The following SEMA5A variants were observed in gnomAD, a reference collection of about 807,000 sequenced individuals.
SEMA5A encodes semaphorin-5A.
A neutral mutation model predicts 135.5 loss-of-function variants in SEMA5A; 55 were observed. That is an observed-to-expected ratio of 0.41 (90% CI 0.33 to 0.51). The LOEUF (loss-of-function observed/expected upper bound fraction) is 0.51, where lower values mean the gene tolerates loss of function less well. Among genes scored for constraint, SEMA5A ranks in the 20% least tolerant of loss-of-function variants. The pLI is 0.37. For synonymous variants in SEMA5A, 580 were observed against 546.5 expected, an observed-to-expected ratio of 1.06 and a Z score of -0.85; for missense variants, 1,290 against 1,419.9, an observed-to-expected ratio of 0.91 and a Z score of 1.47.
intron 1 of SEMA5A, among the ~76,000 whole-genome samples, chr5:9,466,850 C>T (rs1235291791): frequency 6.6e-6 from 1 of 152,196 alleles, no homozygotes; most frequent in Non-Finnish European, 1.5e-5. Context: ...AAAGTCATTG[C>T]CAAGGGAGAG....
chr5:9,467,322 C>T (rs1164968894), intron 1 of SEMA5A, among the ~76,000 whole-genome samples: 2 of 152,036 alleles, frequency 1.3e-5, no homozygotes, highest in African/African-American at 4.8e-5. Flanking sequence ...CCATCTTGGC[C>T]AGGCTTGTCT....
intron 11 of SEMA5A, among the ~76,000 whole-genome samples, chr5:9,168,502 T>C (rs1371038089): frequency 6.6e-6 from 1 of 152,168 alleles, no homozygotes; most frequent in Non-Finnish European, 1.5e-5. Context: ...GCACTTTATG[T>C]GTCTTCATCA....
At chr5:9,111,879 C>G (rs1027928757) in intron 15 of SEMA5A, among the ~76,000 whole-genome samples, 2 of 152,174 alleles carry the variant, frequency 1.3e-5, no homozygotes, top group African/African-American at 4.8e-5. Context: ...CTGAGAGAAG[C>G]CCCTCTTATG....
rs554506809 is a variant in SEMA5A, at chr5:9,437,778, C to T, written c.-100G>A. ...TACCAAGGAGAGAGAGGATGGAGGA[C>T]GCGTTTCCTCAATCATGAATCACAC... On this transcript the variant is annotated 5_prime_UTR_variant, in exon 2 of 23. Transcript: ENST00000382496. The T allele has an allele frequency of 2.6e-5, 4 of 152,578 alleles. No individual in the cohort carries two copies. Among genetic ancestry groups the T allele is most frequent in the Non-Finnish European group, 4.4e-5 (3 of 68,042 alleles). 9.5% of individuals were successfully genotyped at this position (152,578 alleles called of 1,614,324 possible).
chr5:9,403,724 G>T (rs1413807991), intron 2 of SEMA5A, among the ~76,000 whole-genome samples: 1 of 152,132 alleles, frequency 6.6e-6, no homozygotes, highest in Non-Finnish European at 1.5e-5. Context: ...CTCCTTGACA[G>T]TCCACAGAGG....
At chr5:9,519,491 A>G (rs760163580) in intron 1 of SEMA5A, among the ~76,000 whole-genome samples, 12 of 152,208 alleles carry the variant, frequency 7.9e-5, no homozygotes, top group Non-Finnish European at 1.8e-4. Context: ...GCTGTGTCCA[A>G]TCCAGCTTCG....
At chr5:9,081,369 CTAATT>C (rs1286618891) in intron 16 of SEMA5A, among the ~76,000 whole-genome samples, 2 of 152,002 alleles carry the variant, frequency 1.3e-5, no homozygotes, top group African/African-American at 2.4e-5. Context: ...TGAATTTGTG[CTAATT>C]TATTACCTAG....
intron 11 of SEMA5A, among the ~76,000 whole-genome samples, chr5:9,175,472 A>T (rs116249617): frequency 6.6e-6 from 1 of 152,142 alleles, no homozygotes; most frequent in Non-Finnish European, 1.5e-5. Context: ...GGTGGCCCTT[A>T]CACGTTTAAC....
chr5:9,494,762 GAAT>G (rs1735216873), intron 1 of SEMA5A, among the ~76,000 whole-genome samples: 1 of 152,134 alleles, frequency 6.6e-6, no homozygotes, highest in South Asian at 2.1e-4. Flanking sequence ...TTCAGTCAGT[GAAT>G]AATAAATACC....
chr5:9,182,624 A>G (rs1265993208), intron 11 of SEMA5A, among the ~76,000 whole-genome samples: 1 of 151,646 alleles, frequency 6.6e-6, no homozygotes, highest in Admixed American at 6.6e-5. Flanking sequence ...TGAGCATGCC[A>G]TGCTCACCTC....
At chr5:9,239,960 C>T (rs1404595007) in intron 5 of SEMA5A, among the ~76,000 whole-genome samples, 1 of 152,018 alleles carries the variant, frequency 6.6e-6, no homozygotes, top group African/African-American at 2.4e-5. Flanking sequence ...GATCCTGCGG[C>T]TGAAATGGCA....
Position 9,463,886 on chromosome 5 carries a change from G to A in SEMA5A, c.-174-26034C>T, listed in dbSNP as rs190315093. 3.0e-4 allele frequency among the ~76,000 whole-genome samples: 45 copies of A among 152,276 alleles called. 1 individual carries two copies. Among genetic ancestry groups the A allele is most frequent in the Admixed American group, 1.7e-3 (26 of 15,292 alleles). On this transcript the variant is annotated intron_variant, in intron 1 of 22. Transcript: ENST00000382496. ...CTGAAGGTGTTTTCACTGTGTCTGCGTTGTGGCTTTGGGGGAACATTATCT... is the reference window on the plus strand; with the variant it reads ...CTGAAGGTGTTTTCACTGTGTCTGCATTGTGGCTTTGGGGGAACATTATCT...
intron 20 of SEMA5A, among the ~76,000 whole-genome samples, chr5:9,050,899 G>A (rs1736536643): frequency 6.6e-6 from 1 of 152,186 alleles, no homozygotes; most frequent in African/African-American, 2.4e-5. Flanking sequence ...GACATCTCCA[G>A]AACAAGTGAA....
chr5:9,346,688 C>T (rs543557774), intron 3 of SEMA5A, among the ~76,000 whole-genome samples: 2 of 152,284 alleles, frequency 1.3e-5, no homozygotes, highest in South Asian at 4.1e-4. Context: ...CTGCTAGTGC[C>T]AAAGTGGCCA....
intron 1 of SEMA5A, among the ~76,000 whole-genome samples, chr5:9,482,650 T>C (rs1156421342): frequency 1.3e-5 from 2 of 152,202 alleles, no homozygotes; most frequent in African/African-American, 4.8e-5. Flanking sequence ...ACTCCCACCA[T>C]AGCCTACATT....
At chr5:9,371,554 T>A (rs1053375493) in intron 3 of SEMA5A, among the ~76,000 whole-genome samples, 2 of 152,202 alleles carry the variant, frequency 1.3e-5, no homozygotes, top group Non-Finnish European at 2.9e-5. Context: ...AAACTGACAA[T>A]ATATTTTAAA....
intron 16 of SEMA5A, among the ~76,000 whole-genome samples, chr5:9,084,396 C>A (rs1738563980): frequency 6.6e-6 from 1 of 152,278 alleles, no homozygotes; most frequent in South Asian, 2.1e-4. Flanking sequence ...TGTCCCCACC[C>A]AAATCTCATC....
chr5:9,306,334 T>G (rs1751868475), intron 5 of SEMA5A, among the ~76,000 whole-genome samples: 1 of 152,182 alleles, frequency 6.6e-6, no homozygotes, highest in Admixed American at 6.5e-5. Flanking sequence ...CCTTTCCAAT[T>G]CCTCTCTGTA....
intron 1 of SEMA5A, among the ~76,000 whole-genome samples, chr5:9,453,847 A>G (rs1758736271): frequency 6.6e-6 from 1 of 152,188 alleles, no homozygotes; most frequent in Non-Finnish European, 1.5e-5. Flanking sequence ...ATAACACCCT[A>G]ACAGTCTTCC....
Sources: gnomAD v4.1 joint callset for allele counts (sites outside exome capture counted in the v4.1 genomes callset) on GRCh38, gnomAD v4.1.1 for gene constraint, MANE v1.5 for transcripts, NCBI Gene and HGNC (gene_info 2026-07-23, HGNC 2026-07-21) for gene names.